LACTB2: variants seen among roughly 807,000 people sequenced by gnomAD.
LACTB2 encodes lactamase beta 2.
LACTB2 carries 32 observed loss-of-function variants against 34.8 expected under a neutral mutation model. The observed-to-expected ratio is 0.92, with a 90% confidence interval of 0.69 to 1.24. LACTB2 has a LOEUF of 1.24. Among genes scored for constraint, LACTB2 ranks in the 50% most tolerant of loss-of-function variants. The pLI is 0.00. For synonymous variants in LACTB2, 120 were observed against 117.5 expected (o/e 1.02, Z -0.14); for missense variants, 320 against 345.0 (o/e 0.93, Z 0.57).
intron 5 of LACTB2, among the ~76,000 whole-genome samples, chr8:70,639,587 TACAG>T (rs1352935379): frequency 6.6e-6 from 1 of 152,266 alleles, no homozygotes; most frequent in African/African-American, 2.4e-5. Context: ...TTCATGATGC[TACAG>T]ACAGTTGGCC....
chr8:70,664,616 A>G (rs186208978), intron 1 of LACTB2, among the ~76,000 whole-genome samples: 93 of 152,312 alleles, frequency 6.1e-4, no homozygotes, highest in African/African-American at 2.2e-3. Flanking sequence ...AATTAATACA[A>G]TCTATTCAGA....
At chr8:70,644,037 A>G in intron 4 of LACTB2, 28 bp downstream of exon 4, 1 of 1,474,378 alleles carries the variant, frequency 6.8e-7, no homozygotes, top group Non-Finnish European at 9.0e-7. Flanking sequence ...AAAACATAAA[A>G]ATATAAAAAA....
chr8:70,654,903 A>G (rs933972758), intron 3 of LACTB2: 4 of 152,184 alleles, frequency 2.6e-5, no homozygotes, highest in Non-Finnish European at 4.4e-5. Context: ...TATTTTTTCC[A>G]TAAGTTATTG....
intron 1 of LACTB2, among the ~76,000 whole-genome samples, chr8:70,665,249 C>G (rs142592429): frequency 6.6e-6 from 1 of 152,208 alleles, no homozygotes; most frequent in Non-Finnish European, 1.5e-5. Context: ...ATGAAGGGCT[C>G]AAGGGAAGAG....
At position 70,660,926 on chromosome 8, in the gene LACTB2, C is replaced by T. The variant is rs748853003; in HGVS notation, c.286+808G>A. On this transcript the variant is annotated intron_variant, in intron 2 of 6. Transcript: ENST00000276590. ...CCGAGTAGCTGGGACTGCAGGTGCA[C>T]GCCACCATACCCGGGAAATTTTTGT... The T allele has an allele frequency of 9.2e-5, 42 of 455,928 alleles. 1 individual carries two copies. The highest frequency in any genetic ancestry group is 2.8e-4 in the Admixed American group (12 of 42,536). The allele number at this position is 455,928 out of a possible 1,614,324, so 28.2% of individuals were successfully genotyped here. A position where few individuals can be genotyped will look rare whatever the true frequency, so the allele number is the denominator to read the frequency against.
chr8:70,648,363 C>A (rs911181251), intron 3 of LACTB2, among the ~76,000 whole-genome samples: 1 of 151,994 alleles, frequency 6.6e-6, no homozygotes, highest in African/African-American at 2.4e-5. Context: ...ACAACCAAAC[C>A]CCACAGAATA....
intron 3 of LACTB2, chr8:70,654,059 T>G (rs1818378324): frequency 6.6e-6 from 1 of 152,214 alleles, no homozygotes; most frequent in Non-Finnish European, 1.5e-5. Context: ...GCTGACTGCT[T>G]TTTAAGGAGA....
intron 3 of LACTB2, among the ~76,000 whole-genome samples, chr8:70,650,735 CAAAAAAAAAAAA>C (rs61025700): frequency 4.3e-5 from 2 of 46,206 alleles, no homozygotes; most frequent in African/African-American, 1.8e-4. Context: ...GACTCCATCT[CAAAAAAAAAAAA>C]AAAAAAAAAA....
chr8:70,638,714 C>G, intron 5 of LACTB2, 85 bp from the exon 6 acceptor site: 1 of 1,052,546 alleles, frequency 9.5e-7, no homozygotes, highest in Admixed American at 4.1e-5. Flanking sequence ...TGAAGAAAAG[C>G]AAAATGTAGC....
At chr8:70,639,962 CA>C (rs35682593) in intron 5 of LACTB2, among the ~76,000 whole-genome samples, 22,792 of 148,906 alleles carry the variant, frequency 0.15, 2,411 homozygotes, top group African/African-American at 0.31. Flanking sequence ...AACTCCATCT[CA>C]AAAAAAAAAG....
Position 70,669,084 on chromosome 8 carries a change from T to G in LACTB2, c.37A>C (p.Asn13His). 1.2e-6 allele frequency: 2 copies of G among 1,612,544 alleles called. No homozygotes were observed. The highest frequency in any genetic ancestry group is 1.7e-6 in the Non-Finnish European group (2 of 1,179,574). The stretch of plus-strand genomic sequence containing the variant: ...CAGCCCAACACACGCACGACTCGAT[T>G]GGACAGCCGCTCGACGCGCTGCAGT... ...AVLQRVERLS[N>H]RVVRVLGCNP... The change falls in exon 1 of 7, where the codon AAT (asparagine) becomes CAT (histidine). Residue 13 changes from asparagine to histidine, a missense_variant. Coordinates refer to ENST00000276590, the MANE Select transcript of LACTB2 (RefSeq NM_016027.3).
intron 1 of LACTB2, among the ~76,000 whole-genome samples, chr8:70,665,976 C>T (rs979697301): frequency 1.3e-5 from 2 of 152,208 alleles, no homozygotes; most frequent in African/African-American, 4.8e-5. Context: ...TACTAAGCAT[C>T]ACAGTTAGGT....
rs1818189006 is a variant in LACTB2 at position 70,640,917 on chromosome 8, T to C, written c.726A>G (p.Val242=). The C allele has an allele frequency of 6.3e-7, 1 of 1,577,786 alleles. No homozygotes were observed. Among genetic ancestry groups the C allele is most frequent in the Non-Finnish European group, 8.6e-7 (1 of 1,167,380 alleles). ...FEKSFTVMEL[V]KIIYKNTPEN... ...TGAAAATTACCTTGTAAATAATTTT[T>C]ACAAGCTCCATTACTGTAAATGATT... Residue 242 remains valine (V), a synonymous_variant, in exon 5 of 7, where the codon GTA becomes GTG. Transcript: ENST00000276590.
Position 70,657,855 on chromosome 8 carries a change from G to T in LACTB2, c.314C>A (p.Pro105Gln). 1.2e-6 allele frequency: 2 copies of T among 1,605,042 alleles called. No homozygotes were observed. Among genetic ancestry groups the T allele is most frequent in the Non-Finnish European group, 1.7e-6 (2 of 1,172,370 alleles). ...NDTTYCIKKLPRNPQREEIIG... is the reference protein window; with the variant it reads ...NDTTYCIKKLQRNPQREEIIG... ...AATTTCTTCTCTCTGAGGATTCCGTGGGAGTTTTTTAATGCAATAGGTAGT... is the reference window on the plus strand; with the variant it reads ...AATTTCTTCTCTCTGAGGATTCCGTTGGAGTTTTTTAATGCAATAGGTAGT... The change falls in exon 3 of 7, where the codon CCA (proline) becomes CAA (glutamine). Residue 105 changes from proline (P) to glutamine (Q), a missense_variant. Transcript: ENST00000276590.
intron 3 of LACTB2, among the ~76,000 whole-genome samples, chr8:70,651,069 G>A (rs1818336859): frequency 6.6e-6 from 1 of 151,864 alleles, no homozygotes; most frequent in Admixed American, 6.6e-5. Flanking sequence ...ATAACTTAGG[G>A]AAGTTTCTCC....
chr8:70,638,438 A>G, intron 6 of LACTB2, 110 bp downstream of exon 6: 1 of 1,179,594 alleles, frequency 8.5e-7, no homozygotes, highest in Non-Finnish European at 1.1e-6. Flanking sequence ...ACTTAAAGTG[A>G]TATTCATGGG....
chr8:70,639,284 C>A (rs1186154576), intron 5 of LACTB2, among the ~76,000 whole-genome samples: 1 of 151,990 alleles, frequency 6.6e-6, no homozygotes, highest in Middle Eastern at 3.4e-3. Flanking sequence ...CTCAGCCTCC[C>A]GAGTAGCTAG....
intron 3 of LACTB2, among the ~76,000 whole-genome samples, chr8:70,655,220 ATTTTTTT>A (rs36122235): frequency 7.3e-6 from 1 of 137,298 alleles, no homozygotes; most frequent in Non-Finnish European, 1.6e-5. Context: ...ATTAATTCCT[ATTTTTTT>A]TTTTTTTTTG....
At chr8:70,650,735 C>CAAAAAAAAAAAAAAAAAAAA (rs61025700) in intron 3 of LACTB2, among the ~76,000 whole-genome samples, 7 of 46,212 alleles carry the variant, frequency 1.5e-4, no homozygotes, top group Non-Finnish European at 2.2e-4. Context: ...GACTCCATCT[C>CAAAAAAAAAAAAAAAAAAAA]AAAAAAAAAA....
Sources: gnomAD v4.1 joint callset for allele counts (sites outside exome capture counted in the v4.1 genomes callset) on GRCh38, gnomAD v4.1.1 for gene constraint, MANE v1.5 for transcripts, NCBI Gene and HGNC (gene_info 2026-07-23, HGNC 2026-07-21) for gene names.